Variants in CPOX observed in about 807,000 individuals in gnomAD.
The protein encoded by CPOX is oxygen-dependent coproporphyrinogen-III oxidase, mitochondrial.
A neutral mutation model predicts 48.9 loss-of-function variants in CPOX; 24 were observed. The observed-to-expected ratio is 0.49, with a 90% confidence interval of 0.36 to 0.69. The LOEUF is 0.69. Among genes scored for constraint, CPOX ranks in the 30% least tolerant of loss-of-function variants. The pLI is 0.00. For synonymous variants in CPOX, 249 were observed against 234.6 expected (o/e 1.06, Z -0.56); for missense variants, 549 against 597.3 (o/e 0.92, Z 0.84).
intron 4 of CPOX, among the ~76,000 whole-genome samples, chr3:98,586,409 T>C (rs951195094): frequency 6.6e-6 from 1 of 152,176 alleles, no homozygotes; most frequent in African/African-American, 2.4e-5. Flanking sequence ...GTGAGTTCTT[T>C]ATTCACCAAA....
intron 3 of CPOX, 46 bp downstream of exon 3, chr3:98,590,586 G>A (rs1386591582): frequency 7.8e-7 from 1 of 1,279,404 alleles, no homozygotes; most frequent in Non-Finnish European, 1.1e-6. Context: ...GTTTTAAAAT[G>A]CACATTTTGC....
chr3:98,590,123 C>T lies in CPOX; in HGVS notation c.811+509G>A, dbSNP rs150316793. On this transcript the variant is annotated intron_variant, in intron 3 of 6. Coordinates refer to ENST00000647941, the MANE Select transcript of CPOX (RefSeq NM_000097.7). ...GGAGGAAATATGGGAAGGTTAGAGTCAGTCAATACCATTCTTTTTGTTTTG... is the reference window on the plus strand; with the variant it reads ...GGAGGAAATATGGGAAGGTTAGAGTTAGTCAATACCATTCTTTTTGTTTTG... 6.9e-3 allele frequency among the ~76,000 whole-genome samples: 1,044 copies of T among 152,294 alleles called. 9 individuals carry two copies. The highest frequency in any genetic ancestry group is 0.023 in the African/African-American group (958 of 41,580).
rs1707213658 is a variant in CPOX at position 98,579,623 on chromosome 3, A to C, written c.*1060T>G. 1 of 983,396 alleles carries C rather than the reference A, an allele frequency of 1.0e-6. No homozygotes were observed. The highest frequency in any genetic ancestry group is 1.1e-4 in the East Asian group (1 of 8,806). 60.9% of individuals were successfully genotyped at this position (983,396 alleles called of 1,614,324 possible). ...ACTTTATTACGAAGCAAATAAAATAATACATTCATAATATATGAACAAAGA... is the reference window on the plus strand; with the variant it reads ...ACTTTATTACGAAGCAAATAAAATACTACATTCATAATATATGAACAAAGA... On this transcript the variant is annotated 3_prime_UTR_variant, in exon 7 of 7. Transcript: ENST00000647941.
intron 6 of CPOX, 32 bp downstream of exon 6, chr3:98,581,375 G>A (rs904876247): frequency 1.4e-6 from 2 of 1,464,890 alleles, no homozygotes; most frequent in Admixed American, 3.3e-5. Context: ...TGGGAGTGTA[G>A]GGATAACTAC....
Position 98,593,283 on chromosome 3 carries a change from C to G in CPOX, c.222G>C (p.Val74=). Residue 74 remains valine (V), a synonymous_variant, in exon 1 of 7, where the codon GTG becomes GTC. Transcript: ENST00000647941. ...CCAGCGCCGCGGCCAGCCCTGTCCCCACCCAGGGGCCGCCTCTCGACGTCG... is the reference window on the plus strand; with the variant it reads ...CCAGCGCCGCGGCCAGCCCTGTCCCGACCCAGGGGCCGCCTCTCGACGTCG... ...HGSTSRGGPW[V]GTGLAAALAG... 6.8e-7 allele frequency: 1 copy of G among 1,461,154 alleles called. No individual in the cohort carries two copies. Among genetic ancestry groups the G allele is most frequent in the South Asian group, 1.4e-5 (1 of 69,504 alleles). The allele number at this position is 1,461,154 out of a possible 1,614,324, so 90.5% of individuals were successfully genotyped here.
At chr3:98,588,879 T>C in intron 3 of CPOX, 25 bp from the exon 4 acceptor site, 3 of 1,613,964 alleles carry the variant, frequency 1.9e-6, no homozygotes, top group Non-Finnish European at 2.5e-6. Flanking sequence ...CATGGGATTC[T>C]AATGTGGACT....
chr3:98,577,421 G>C (rs369788631), downstream of CPOX, among the ~76,000 whole-genome samples: 2 of 152,148 alleles, frequency 1.3e-5, no homozygotes, highest in East Asian at 3.8e-4. Context: ...AGATGAGAAA[G>C]TATGTGAGAC....
intron 3 of CPOX, 185 bp downstream of exon 3, chr3:98,590,447 C>T (rs1707456950): frequency 4.6e-6 from 3 of 652,348 alleles, no homozygotes; most frequent in South Asian, 3.3e-5. Flanking sequence ...CCAAGCCTGG[C>T]CCCATTCTTA....
downstream of CPOX, among the ~76,000 whole-genome samples, chr3:98,578,462 A>G (rs931618404): frequency 2.0e-5 from 3 of 152,220 alleles, no homozygotes; most frequent in Non-Finnish European, 2.9e-5. Flanking sequence ...GATTTATTGA[A>G]GTATTATTCA....
intron 5 of CPOX, 82 bp downstream of exon 5, chr3:98,585,359 G>T: frequency 9.3e-7 from 1 of 1,078,974 alleles, no homozygotes; most frequent in Non-Finnish European, 1.4e-6. Flanking sequence ...CAAAGTATCT[G>T]ACAACACAAC....
the CPOX span, among the ~76,000 whole-genome samples, chr3:98,574,329 G>A: frequency 6.6e-6 from 1 of 152,198 alleles, no homozygotes; most frequent in East Asian, 1.9e-4. Flanking sequence ...GCTTGTCTTT[G>A]TTCCACACAC....
At chr3:98,573,396 G>A in the CPOX span, among the ~76,000 whole-genome samples, 1 of 152,144 alleles carries the variant, frequency 6.6e-6, no homozygotes, top group Admixed American at 6.5e-5. Context: ...TCCAACAACA[G>A]CATAGTTCAA....
chr3:98,573,423 A>C, the CPOX span, among the ~76,000 whole-genome samples: 2 of 152,204 alleles, frequency 1.3e-5, no homozygotes, highest in Admixed American at 1.3e-4. Context: ...TCAGATTTCA[A>C]ATAATTTTCT....
At chr3:98,592,881 C>T in intron 1 of CPOX, 68 bp downstream of exon 1, 1 of 1,515,502 alleles carries the variant, frequency 6.6e-7, no homozygotes, top group Non-Finnish European at 9.0e-7. Flanking sequence ...ATTATATTTT[C>T]TGTCTGCAAC....
In CPOX at chr3:98,580,181, T is replaced by C. The variant is rs948097000; in HGVS notation, c.*502A>G. ...ATATTATGTTCTCTGGAGAAAGATA[T>C]ATAAGGATTACAGCAGAGACTTCAG... On this transcript the variant is annotated 3_prime_UTR_variant, in exon 7 of 7. Coordinates refer to ENST00000647941, the MANE Select transcript of CPOX (RefSeq NM_000097.7). 6.1e-6 allele frequency: 6 copies of C among 986,180 alleles called. No homozygotes were observed. The highest frequency in any genetic ancestry group is 1.7e-5 in the African/African-American group (1 of 57,174). The allele number at this position is 986,180 out of a possible 1,614,324, so 61.1% of individuals were successfully genotyped here. A position where few individuals can be genotyped will look rare whatever the true frequency, so the allele number is the denominator to read the frequency against.
Position 98,591,157 on chromosome 3 carries a change from T to C in CPOX, c.557-2A>G, listed in dbSNP as rs953564251. 1 of 1,614,012 alleles carries C rather than the reference T, an allele frequency of 6.2e-7. No homozygotes were observed. Among genetic ancestry groups the C allele is most frequent in the African/African-American group, 1.3e-5 (1 of 74,926 alleles). Reference sequence around the variant, plus strand: ...GTACACAGCTGATGCCGCCACCTCCTGTGTATAGAAATGTAAAAAAGGAGA... The same window carrying C: ...GTACACAGCTGATGCCGCCACCTCCCGTGTATAGAAATGTAAAAAAGGAGA... On this transcript the variant is annotated splice_acceptor_variant, in intron 1 of 6. Coordinates refer to ENST00000647941, the MANE Select transcript of CPOX (RefSeq NM_000097.7). LOFTEE classifies it high-confidence loss of function.
At chr3:98,589,313 C>A (rs775551591) in intron 3 of CPOX, among the ~76,000 whole-genome samples, 32 of 151,892 alleles carry the variant, frequency 2.1e-4, no homozygotes, top group Non-Finnish European at 3.7e-4. Flanking sequence ...GAGTGAGACT[C>A]CATCTCAAAA....
chr3:98,592,884 T>A, intron 1 of CPOX, 65 bp downstream of exon 1: 1 of 1,526,822 alleles, frequency 6.5e-7, no homozygotes, highest in South Asian at 1.2e-5. Context: ...ATATTTTCTG[T>A]CTGCAACCTG....
chr3:98,583,618 C>A (rs924637122), intron 5 of CPOX, among the ~76,000 whole-genome samples: 1 of 152,096 alleles, frequency 6.6e-6, no homozygotes, highest in African/African-American at 2.4e-5. Context: ...AACTGTAAGA[C>A]TGATGTTCAA....
Sources: allele counts gnomAD v4.1 joint callset (sites outside exome capture counted in the v4.1 genomes callset), GRCh38; gene constraint gnomAD v4.1.1; transcripts MANE v1.5; gene names NCBI Gene and HGNC (gene_info 2026-07-23, HGNC 2026-07-21).